The following MARCHF1 variants were observed in gnomAD, a reference collection of about 807,000 sequenced individuals.
MARCHF1 encodes the protein E3 ubiquitin-protein ligase MARCHF1.
In MARCHF1, 40 loss-of-function variants were observed where a neutral mutation model predicts 54.2. The observed-to-expected ratio is 0.74, with a 90% CI of 0.57 to 0.96. The LOEUF is 0.96. Ranked by LOEUF, MARCHF1 falls within the 40% of genes least tolerant of loss-of-function variation. The probability of loss-of-function intolerance (pLI) is 0.00; values close to 1 mark genes in which losing one functional copy is unlikely to be tolerated. For missense variants in MARCHF1, 586 were observed against 656.5 expected (o/e 0.89, Z 1.17); for synonymous variants, 236 against 236.3 (o/e 1.00, Z 0.01).
intron 1 of MARCHF1, among the ~76,000 whole-genome samples, chr4:164,170,491 C>A (rs7673875): frequency 6.6e-6 from 1 of 151,978 alleles, no homozygotes; most frequent in East Asian, 1.9e-4. Context: ...TTATCTTTTA[C>A]AATCACCATG....
intron 3 of MARCHF1, among the ~76,000 whole-genome samples, chr4:163,895,073 G>A (rs1750776657): frequency 6.6e-6 from 1 of 152,042 alleles, no homozygotes; most frequent in African/African-American, 2.4e-5. Context: ...AAATATGCAT[G>A]TGATGCATAT....
At position 164,052,948 on chromosome 4, in the gene MARCHF1, G is replaced by A. The variant is rs142243103; in HGVS notation, c.-248+58640C>T. On this transcript the variant is annotated intron_variant, in intron 2 of 9. Transcript: ENST00000514618. ...TACAAAAACATGGTGTTTACATCCA[G>A]ATGGCTTATTTTCTTTCAGTAACTG... Among the ~76,000 whole-genome samples, 703 of 152,204 alleles carry A rather than the reference G, an allele frequency of 4.6e-3. 3 individuals carry two copies. Among genetic ancestry groups the A allele is most frequent in the African/African-American group, 0.016 (666 of 41,542 alleles).
At chr4:163,542,954 G>A (rs560928678) in intron 9 of MARCHF1, among the ~76,000 whole-genome samples, 2 of 152,200 alleles carry the variant, frequency 1.3e-5, no homozygotes, top group South Asian at 4.1e-4. Context: ...AGTGTGTGTG[G>A]TGGTGGTGGA....
chr4:164,379,759 G>A (rs1731313552), intron 1 of MARCHF1, among the ~76,000 whole-genome samples: 1 of 152,024 alleles, frequency 6.6e-6, no homozygotes. Flanking sequence ...GCTGAGGCAG[G>A]CAGATTGCTT....
chr4:164,306,016 T>C (rs888465347), intron 1 of MARCHF1, among the ~76,000 whole-genome samples: 1 of 152,160 alleles, frequency 6.6e-6, no homozygotes, highest in African/African-American at 2.4e-5. Flanking sequence ...TCACTGATTG[T>C]TACGAATAAT....
chr4:163,956,701 G>C (rs1318260983), intron 3 of MARCHF1, among the ~76,000 whole-genome samples: 1 of 152,094 alleles, frequency 6.6e-6, no homozygotes, highest in Non-Finnish European at 1.5e-5. Flanking sequence ...CAAATAAGTG[G>C]TTTGGGGGAC....
At chr4:164,146,431 G>A in intron 1 of MARCHF1, among the ~76,000 whole-genome samples, 1 of 152,026 alleles carries the variant, frequency 6.6e-6, no homozygotes, top group Non-Finnish European at 1.5e-5. Flanking sequence ...TATACTACAA[G>A]GCTATAGTAA....
intron 1 of MARCHF1, among the ~76,000 whole-genome samples, chr4:164,181,686 A>G (rs1730838208): frequency 6.6e-6 from 1 of 152,198 alleles, no homozygotes; most frequent in South Asian, 2.1e-4. Context: ...ACGATGAAAT[A>G]GATGTGATAA....
intron 1 of MARCHF1, among the ~76,000 whole-genome samples, chr4:164,358,189 G>A (rs1391626053): frequency 6.6e-6 from 1 of 152,124 alleles, no homozygotes; most frequent in Non-Finnish European, 1.5e-5. Flanking sequence ...GCTAGGTAAG[G>A]TTTGCTTCTC....
chr4:163,994,858 C>G (rs1377333890), intron 2 of MARCHF1, among the ~76,000 whole-genome samples: 2 of 151,244 alleles, frequency 1.3e-5, no homozygotes, highest in African/African-American at 4.9e-5. Context: ...TGTATCTGCT[C>G]AAATATTATT....
intron 4 of MARCHF1, among the ~76,000 whole-genome samples, chr4:163,751,805 C>CGTGTGTGTGT (rs72029488): frequency 0.038 from 4,773 of 124,478 alleles, 181 homozygotes; most frequent in African/African-American, 0.098. Context: ...CACATGTGCA[C>CGTGTGTGTGT]GTGTGTGTGT....
intron 1 of MARCHF1, among the ~76,000 whole-genome samples, chr4:164,198,312 T>C (rs2111075843): frequency 6.6e-6 from 1 of 152,348 alleles, no homozygotes; most frequent in African/African-American, 2.4e-5. Context: ...TCTGTCAGAT[T>C]ATACCTAAAA....
At chr4:164,192,033 G>A (rs17044737) in intron 1 of MARCHF1, among the ~76,000 whole-genome samples, 22,369 of 151,920 alleles carry the variant, frequency 0.15, 2,213 homozygotes, top group African/African-American at 0.26. Context: ...ACAAACCAAC[G>A]ACAAGAATAA....
intron 2 of MARCHF1, among the ~76,000 whole-genome samples, chr4:163,994,110 T>G (rs952727122): frequency 6.6e-6 from 1 of 152,090 alleles, no homozygotes; most frequent in Admixed American, 6.6e-5. Flanking sequence ...AGGGCCAGTA[T>G]GTATTTCTTC....
At chr4:163,733,213 A>ACACACATG (rs1554008851) in intron 4 of MARCHF1, among the ~76,000 whole-genome samples, 4 of 36,156 alleles carry the variant, frequency 1.1e-4, no homozygotes, top group African/African-American at 2.6e-4. Context: ...ATATATATAT[A>ACACACATG]TATATATACA....
chr4:164,035,770 C>A (rs1753981183), intron 2 of MARCHF1, among the ~76,000 whole-genome samples: 1 of 150,484 alleles, frequency 6.6e-6, no homozygotes, highest in Non-Finnish European at 1.5e-5. Context: ...AAAAAAAAAA[C>A]TTAAACCAGA....
chr4:164,083,885 T>C (rs1220494503), intron 2 of MARCHF1, among the ~76,000 whole-genome samples: 1 of 152,214 alleles, frequency 6.6e-6, no homozygotes, highest in East Asian at 1.9e-4. Context: ...TCATTTGTAG[T>C]GCATGTACTT....
At chr4:164,154,841 C>T (rs1410667084) in intron 1 of MARCHF1, among the ~76,000 whole-genome samples, 2 of 152,118 alleles carry the variant, frequency 1.3e-5, no homozygotes, top group Admixed American at 1.3e-4. Flanking sequence ...GTCCAGCATC[C>T]CAGAAGACTC....
chr4:164,339,122 T>C (rs967857300), intron 1 of MARCHF1, among the ~76,000 whole-genome samples: 1 of 152,142 alleles, frequency 6.6e-6, no homozygotes, highest in African/African-American at 2.4e-5. Flanking sequence ...AATGCAATAT[T>C]AGTAGGAAAC....
Sources: gnomAD v4.1 joint callset for allele counts (sites outside exome capture counted in the v4.1 genomes callset) on GRCh38, gnomAD v4.1.1 for gene constraint, MANE v1.5 for transcripts, NCBI Gene and HGNC (gene_info 2026-07-23, HGNC 2026-07-21) for gene names.